ANKRD30BL: variants seen among roughly 807,000 people sequenced by gnomAD.
The protein encoded by ANKRD30BL is putative ankyrin repeat domain-containing protein 30B-like.
Under a neutral mutation model 18.4 loss-of-function variants are expected in ANKRD30BL, and 20 were observed. The observed-to-expected ratio is 1.09, with a 90% confidence interval of 0.77 to 1.58. ANKRD30BL has a LOEUF of 1.58. ANKRD30BL is among the 40% of genes most tolerant of loss of function. The pLI is 0.00. For synonymous variants in ANKRD30BL, 72 were observed against 100.9 expected (o/e 0.71, Z 1.72); for missense variants, 224 against 268.6 (o/e 0.83, Z 1.16).
intron 1 of ANKRD30BL, among the ~76,000 whole-genome samples, chr2:132,203,047 A>T (rs1309025017): frequency 6.6e-6 from 1 of 152,284 alleles, no homozygotes; most frequent in African/African-American, 2.4e-5. Context: ...TAGCAGATTC[A>T]ATATCAAACA....
intron 1 of ANKRD30BL, among the ~76,000 whole-genome samples, chr2:132,219,512 C>A (rs1440569417): frequency 6.6e-6 from 1 of 151,330 alleles, no homozygotes; most frequent in East Asian, 1.9e-4. Flanking sequence ...GAGAATAATT[C>A]TCAGAAACAT....
At chr2:132,178,858 A>G (rs1318024892) in intron 1 of ANKRD30BL, among the ~76,000 whole-genome samples, 1 of 152,048 alleles carries the variant, frequency 6.6e-6, no homozygotes, top group Non-Finnish European at 1.5e-5. Flanking sequence ...GATGGGAATC[A>G]GTGACTAATT....
intron 1 of ANKRD30BL, among the ~76,000 whole-genome samples, chr2:132,233,854 A>G (rs1004273089): frequency 1.3e-4 from 20 of 151,476 alleles, no homozygotes; most frequent in Admixed American, 9.3e-4. Context: ...CATCTACAGA[A>G]CTCTCCACCC....
At chr2:132,229,640 G>A (rs1261778775) in intron 1 of ANKRD30BL, among the ~76,000 whole-genome samples, 1 of 152,110 alleles carries the variant, frequency 6.6e-6, no homozygotes, top group Non-Finnish European at 1.5e-5. Flanking sequence ...ACACTAGACA[G>A]AAGCATTCTC....
intron 1 of ANKRD30BL, among the ~76,000 whole-genome samples, chr2:132,222,264 G>A (rs1028092257): frequency 5.3e-5 from 8 of 150,228 alleles, no homozygotes; most frequent in Admixed American, 1.3e-4. Flanking sequence ...GGTGAGGGGC[G>A]CTTCTGCCCG....
chr2:132,210,591 G>A (rs1381817434), intron 1 of ANKRD30BL, among the ~76,000 whole-genome samples: 2 of 151,932 alleles, frequency 1.3e-5, no homozygotes, highest in Admixed American at 1.3e-4. Flanking sequence ...TGTGATGTGT[G>A]CATTCATCTC....
At chr2:132,191,495 C>T (rs1678848546) in intron 1 of ANKRD30BL, among the ~76,000 whole-genome samples, 1 of 152,086 alleles carries the variant, frequency 6.6e-6, no homozygotes, top group Non-Finnish European at 1.5e-5. Context: ...TATACTCCCA[C>T]CTAAATATGA....
chr2:132,166,499 T>C (rs1376412603), upstream of ANKRD30BL, among the ~76,000 whole-genome samples: 1 of 152,168 alleles, frequency 6.6e-6, no homozygotes, highest in Non-Finnish European at 1.5e-5. Context: ...ACTCATGTTA[T>C]CTATTTTTTC....
chr2:132,169,689 T>C (rs1430201928), intron 1 of ANKRD30BL, among the ~76,000 whole-genome samples: 2 of 148,716 alleles, frequency 1.3e-5, no homozygotes. Flanking sequence ...GTTTAGGAAC[T>C]GTAGACATTT....
chr2:132,209,835 T>C (rs1424876801), intron 1 of ANKRD30BL, among the ~76,000 whole-genome samples: 1 of 151,964 alleles, frequency 6.6e-6, no homozygotes, highest in Non-Finnish European at 1.5e-5. Flanking sequence ...TTTTGAGGCC[T>C]ATTGTAGAAA....
intron 1 of ANKRD30BL, among the ~76,000 whole-genome samples, chr2:132,228,673 C>A (rs1334543069): frequency 2.7e-5 from 4 of 149,636 alleles, no homozygotes; most frequent in Non-Finnish European, 2.9e-5. Flanking sequence ...CAGAGCTGAA[C>A]CTTTCTTTTG....
chr2:132,177,930 T>TACC (rs1688394096), intron 1 of ANKRD30BL, among the ~76,000 whole-genome samples: 2 of 152,216 alleles, frequency 1.3e-5, no homozygotes, highest in East Asian at 3.8e-4. Flanking sequence ...TTACAGTTGG[T>TACC]ATGCCATTTT....
At chr2:132,226,071 C>G (rs997932720) in intron 1 of ANKRD30BL, among the ~76,000 whole-genome samples, 7 of 152,116 alleles carry the variant, frequency 4.6e-5, no homozygotes, top group Admixed American at 4.6e-4. Flanking sequence ...GCATTCAACT[C>G]ACAGGGTTGG....
At chr2:132,171,814 A>G (rs141860618) in intron 1 of ANKRD30BL, among the ~76,000 whole-genome samples, 43 of 152,272 alleles carry the variant, frequency 2.8e-4, no homozygotes, top group African/African-American at 9.6e-4. Flanking sequence ...AACCTTTACC[A>G]CCGTTCATTT....
intron 1 of ANKRD30BL, among the ~76,000 whole-genome samples, chr2:132,217,352 G>T (rs1390548027): frequency 6.6e-6 from 1 of 152,102 alleles, no homozygotes; most frequent in Non-Finnish European, 1.5e-5. Context: ...TTTTGATAGA[G>T]CAGTTTTGAA....
chr2:132,171,044 T>A (rs1270252534), intron 1 of ANKRD30BL, among the ~76,000 whole-genome samples: 4 of 151,512 alleles, frequency 2.6e-5, no homozygotes, highest in Admixed American at 6.6e-5. Context: ...TAGTCCCAGC[T>A]ACTCCGGAGG....
At chr2:132,151,248 C>T (rs900718587) in intron 4 of ANKRD30BL, among the ~76,000 whole-genome samples, 2 of 152,066 alleles carry the variant, frequency 1.3e-5, no homozygotes, top group East Asian at 1.9e-4. Flanking sequence ...GTCCTTAACT[C>T]GGAATAAGTC....
At chr2:132,211,647 T>C (rs1449647574) in intron 1 of ANKRD30BL, among the ~76,000 whole-genome samples, 10 of 152,038 alleles carry the variant, frequency 6.6e-5, no homozygotes, top group African/African-American at 2.4e-4. Context: ...AACTTTACTT[T>C]TGATTGAGCA....
chr2:132,180,315 T>C (rs905912795), intron 1 of ANKRD30BL, among the ~76,000 whole-genome samples: 1 of 151,888 alleles, frequency 6.6e-6, no homozygotes, highest in Non-Finnish European at 1.5e-5. Context: ...TACAGTAACA[T>C]GCTGTACAGA....
Sources: gnomAD v4.1 joint callset for allele counts (sites outside exome capture counted in the v4.1 genomes callset) on GRCh38, gnomAD v4.1.1 for gene constraint, MANE v1.5 for transcripts, NCBI Gene and HGNC (gene_info 2026-07-23, HGNC 2026-07-21) for gene names.